The following ITGBL1 variants were observed in gnomAD, a reference collection of about 807,000 sequenced individuals.
The protein encoded by ITGBL1 is integrin subunit beta like 1.
Under a neutral mutation model 68.5 loss-of-function variants are expected in ITGBL1, and 51 were observed. The observed-to-expected ratio is 0.74, with a 90% CI of 0.59 to 0.94. The LOEUF is 0.94. ITGBL1 is among the 40% of genes least tolerant of loss of function. The pLI is 0.00. For synonymous variants in ITGBL1, 209 were observed against 227.3 expected, an observed-to-expected ratio of 0.92 and a Z score of 0.72; for missense variants, 649 against 647.4, an observed-to-expected ratio of 1.00 and a Z score of -0.03.
At chr13:101,547,553 G>A (rs1034816092) in intron 2 of ITGBL1, among the ~76,000 whole-genome samples, 4 of 151,670 alleles carry the variant, frequency 2.6e-5, no homozygotes, top group Non-Finnish European at 4.4e-5. Context: ...AGATGAAATG[G>A]ATGTCTGGGA....
chr13:101,621,851 T>C (rs545154154), intron 7 of ITGBL1, among the ~76,000 whole-genome samples: 2 of 152,254 alleles, frequency 1.3e-5, no homozygotes, highest in East Asian at 3.9e-4. Context: ...TGGAAAAGTA[T>C]GGCTGATTAT....
intron 2 of ITGBL1, among the ~76,000 whole-genome samples, chr13:101,496,180 T>G (rs1378308996): frequency 6.6e-6 from 1 of 152,136 alleles, no homozygotes; most frequent in Non-Finnish European, 1.5e-5. Flanking sequence ...CAACAGATAG[T>G]GCTCAGTGTA....
At chr13:101,654,916 G>C (rs1275826209) in intron 7 of ITGBL1, among the ~76,000 whole-genome samples, 3 of 152,084 alleles carry the variant, frequency 2.0e-5, no homozygotes, top group Admixed American at 1.3e-4. Context: ...ATTTCAGTTA[G>C]AGCAAAAAGA....
intron 7 of ITGBL1, among the ~76,000 whole-genome samples, chr13:101,677,746 A>G (rs2033539929): frequency 6.6e-6 from 1 of 152,206 alleles, no homozygotes; most frequent in African/African-American, 2.4e-5. Context: ...ACTCTTACTT[A>G]TTAATCCTGC....
At chr13:101,616,809 A>T (rs974964801) in intron 7 of ITGBL1, among the ~76,000 whole-genome samples, 30 of 152,128 alleles carry the variant, frequency 2.0e-4, no homozygotes, top group African/African-American at 6.8e-4. Flanking sequence ...GTTTTCTGAG[A>T]GGTACTCTCT....
intron 3 of ITGBL1, among the ~76,000 whole-genome samples, chr13:101,572,007 C>G (rs552244220): frequency 1.3e-5 from 2 of 152,174 alleles, no homozygotes; most frequent in South Asian, 4.1e-4. Flanking sequence ...GGTGTGTATT[C>G]AAGGCAAATT....
intron 7 of ITGBL1, among the ~76,000 whole-genome samples, chr13:101,661,389 C>T (rs569240941): frequency 3.9e-5 from 6 of 152,252 alleles, no homozygotes; most frequent in African/African-American, 1.2e-4. Context: ...TTTCATGACA[C>T]CTACTCCCCG....
At chr13:101,546,263 G>C (rs1033305852) in intron 2 of ITGBL1, among the ~76,000 whole-genome samples, 1 of 152,060 alleles carries the variant, frequency 6.6e-6, no homozygotes, top group African/African-American at 2.4e-5. Context: ...GGCTACAAGG[G>C]ATACTCATGA....
chr13:101,570,734 T>C (rs1311712405), intron 3 of ITGBL1, among the ~76,000 whole-genome samples: 3 of 152,186 alleles, frequency 2.0e-5, no homozygotes, highest in African/African-American at 7.2e-5. Context: ...TTATTTAGTC[T>C]ATCCTGTTGG....
chr13:101,623,655 G>A (rs1395992267), intron 7 of ITGBL1, among the ~76,000 whole-genome samples: 1 of 152,192 alleles, frequency 6.6e-6, no homozygotes, highest in Non-Finnish European at 1.5e-5. Flanking sequence ...GTGAGTCACT[G>A]TAGTTCAAAG....
At chr13:101,629,298 G>A (rs1046611762) in intron 7 of ITGBL1, among the ~76,000 whole-genome samples, 5 of 151,974 alleles carry the variant, frequency 3.3e-5, no homozygotes, top group African/African-American at 4.8e-5. Flanking sequence ...AAATATTTGA[G>A]TTTACTATCA....
chr13:101,579,916 G>C (rs1035078103), intron 5 of ITGBL1, among the ~76,000 whole-genome samples: 3 of 152,024 alleles, frequency 2.0e-5, no homozygotes, highest in African/African-American at 7.2e-5. Flanking sequence ...ATTTGATATT[G>C]AATACAATAG....
At chr13:101,560,071 T>G (rs1340661662) in intron 2 of ITGBL1, among the ~76,000 whole-genome samples, 2 of 152,164 alleles carry the variant, frequency 1.3e-5, no homozygotes, top group African/African-American at 2.4e-5. Flanking sequence ...ACTGGTGCCC[T>G]GTCTTAAAAA....
intron 2 of ITGBL1, among the ~76,000 whole-genome samples, chr13:101,536,643 T>C (rs962494880): frequency 2.0e-5 from 3 of 151,998 alleles, no homozygotes; most frequent in South Asian, 2.1e-4. Flanking sequence ...TGCTAATAAA[T>C]TTGAGGACCT....
At chr13:101,718,342 C>T (rs1440945877), downstream of ITGBL1, 2 of 152,072 alleles carry the variant, frequency 1.3e-5, no homozygotes, top group African/African-American at 2.4e-5. Context: ...CATGTAAAGA[C>T]ATAAACTCTT....
intron 2 of ITGBL1, among the ~76,000 whole-genome samples, chr13:101,496,074 A>G (rs907410120): frequency 2.6e-5 from 4 of 152,190 alleles, no homozygotes; most frequent in African/African-American, 4.8e-5. Context: ...TCACAGATAC[A>G]TATATTCCAG....
At chr13:101,458,568 C>T (rs2048275619) in intron 2 of ITGBL1, among the ~76,000 whole-genome samples, 1 of 152,144 alleles carries the variant, frequency 6.6e-6, no homozygotes, top group African/African-American at 2.4e-5. Flanking sequence ...GAAATACAGT[C>T]ATTCCTTGAT....
At chr13:101,714,411 GGTGA>G in intron 9 of ITGBL1, 23 bp from the exon 10 acceptor site, 2 of 1,256,934 alleles carry the variant, frequency 1.6e-6, no homozygotes, top group Non-Finnish European at 2.3e-6. Context: ...ATAAGGTGAT[GGTGA>G]GTAATAGCCT....
intron 6 of ITGBL1, among the ~76,000 whole-genome samples, chr13:101,590,388 A>G (rs1203620029): frequency 6.6e-6 from 1 of 151,770 alleles, no homozygotes; most frequent in Non-Finnish European, 1.5e-5. Flanking sequence ...CAAGGTTTCT[A>G]TTTTATTTTC....
Sources: allele counts gnomAD v4.1 joint callset (sites outside exome capture counted in the v4.1 genomes callset), GRCh38; gene constraint gnomAD v4.1.1; transcripts MANE v1.5; gene names NCBI Gene and HGNC (gene_info 2026-07-23, HGNC 2026-07-21).